The following IDUA variants were observed in gnomAD, a reference collection of about 807,000 sequenced individuals.
IDUA encodes alpha-L-iduronidase, also known as iduronidase alpha-L-.
A neutral mutation model predicts 68.9 loss-of-function variants in IDUA; 65 were observed. The observed-to-expected ratio is 0.94, with a 90% CI of 0.77 to 1.16. The LOEUF is 1.16. Among genes scored for constraint, IDUA ranks in the 50% most tolerant of loss-of-function variants. IDUA has a pLI of 0.00. For missense variants in IDUA, 1,046 were observed against 938.0 expected (o/e 1.12, Z -1.50); for synonymous variants, 529 against 433.6 (o/e 1.22, Z -2.73).
Position 1,002,495 on chromosome 4 carries a change from G to C in IDUA, c.1189+10G>C. 6.6e-7 allele frequency: 1 copy of C among 1,521,814 alleles called. No homozygotes were observed. The allele number at this position is 1,521,814 out of a possible 1,614,324, so 94.3% of individuals were successfully genotyped here. A position where few individuals can be genotyped will look rare whatever the true frequency, so the allele number is the denominator to read the frequency against. Reference sequence around the variant, plus strand: ...CTGCTGGCGCTGCTGGGTGAGCCGGGGCCGCTGGGGTGGGCCGGCCAGGGC... The same window carrying C: ...CTGCTGGCGCTGCTGGGTGAGCCGGCGCCGCTGGGGTGGGCCGGCCAGGGC... On this transcript the variant is annotated intron_variant, in intron 8 of 13. Coordinates refer to ENST00000514224, the MANE Select transcript of IDUA (RefSeq NM_000203.5).
At chr4:989,947 T>C (rs2153017015) in intron 2 of IDUA, 9 of 1,555,570 alleles carry the variant, frequency 5.8e-6, no homozygotes, top group Non-Finnish European at 7.8e-6. Context: ...CTCTGGGACC[T>C]GAGGGGGCAT....
At chr4:1,001,016 T>C (rs1165341560) in intron 4 of IDUA, 27 bp downstream of exon 4, 1 of 1,524,238 alleles carries the variant, frequency 6.6e-7, no homozygotes, top group African/African-American at 1.4e-5. Flanking sequence ...CCTGGGGCCC[T>C]GGCCGGGGCG....
At chr4:997,373 C>T (rs1345986643) in intron 2 of IDUA, among the ~76,000 whole-genome samples, 3 of 149,354 alleles carry the variant, frequency 2.0e-5, no homozygotes, top group African/African-American at 7.4e-5. Context: ...CGGCCCTGCT[C>T]CCCACCCCGC....
At position 1,004,092 on chromosome 4, in the gene IDUA, A is replaced by C. The variant is rs1159689681; in HGVS notation, c.1808A>C (p.Asn603Thr). Reference sequence around the variant, plus strand: ...GTCAGCAGGAAGCCATCGACCTTCAACCTCTTTGTGTTCAGCCCAGGTGCG... The same window carrying C: ...GTCAGCAGGAAGCCATCGACCTTCACCCTCTTTGTGTTCAGCCCAGGTGCG... ...TPVSRKPSTFNLFVFSPDTGA... is the reference protein window; with the variant it reads ...TPVSRKPSTFTLFVFSPDTGA... The change falls in exon 13 of 14, where the codon AAC becomes ACC. Residue 603 changes from asparagine to threonine, a missense_variant. Transcript: ENST00000514224. The surrounding 1 kb of genome is among the most constrained non-coding windows in gnomAD (Gnocchi z 5.0). 1 of 1,612,026 alleles carries C rather than the reference A, an allele frequency of 6.2e-7. No homozygotes were observed. The highest frequency in any genetic ancestry group is 1.3e-5 in the African/African-American group (1 of 74,322).
intron 2 of IDUA, 38 bp from the exon 3 acceptor site, chr4:1,000,574 G>C (rs763483076): frequency 6.6e-7 from 1 of 1,508,632 alleles, no homozygotes; most frequent in East Asian, 2.3e-5. Flanking sequence ...GGAGCTGTGT[G>C]GGCACCCTGC....
intron 7 of IDUA, 52 bp from the exon 8 acceptor site, chr4:1,002,217 C>G (rs752153872): frequency 3.2e-6 from 5 of 1,575,044 alleles, no homozygotes; most frequent in Middle Eastern, 3.3e-4. Flanking sequence ...CGAGACGGGA[C>G]AGGCGAGCGG....
Position 1,002,551 on chromosome 4 carries a change from G to A in IDUA, c.1189+66G>A. 6 of 1,366,892 alleles carry A rather than the reference G, an allele frequency of 4.4e-6. No individual in the cohort carries two copies. The South Asian group carries it at 8.0e-5, about 18-fold the overall frequency. 84.7% of individuals were successfully genotyped at this position (1,366,892 alleles called of 1,614,324 possible). A position where few individuals can be genotyped will look rare whatever the true frequency, so the allele number is the denominator to read the frequency against. ...AGGCTGGGGAGCGGCTCCTGCGAAG[G>A]CCCCGCTGCGGGGAGCGCACTTCCT... On this transcript the variant is annotated intron_variant, in intron 8 of 13. Coordinates refer to ENST00000514224, the MANE Select transcript of IDUA (RefSeq NM_000203.5).
chr4:990,228 C>T lies in IDUA; in HGVS notation c.299+2279C>T, dbSNP rs375610014. On this transcript the variant is annotated intron_variant, in intron 2 of 13. Coordinates refer to ENST00000514224, the MANE Select transcript of IDUA (RefSeq NM_000203.5). ...CCACCATGCCGGGCCCCTGGTGCCG[C>T]GGGATCCGCACGCCCAGCAGGTGTT... is the stretch of plus-strand genomic sequence containing the variant. 2.9e-4 allele frequency: 454 copies of T among 1,572,566 alleles called. No individual in the cohort carries two copies. Among genetic ancestry groups the T allele is most frequent in the Non-Finnish European group, 3.7e-4 (426 of 1,160,144 alleles).
rs1715009524 is a variant in IDUA, at chr4:1,000,562, AT to A, written c.300-49del. 2.1e-6 allele frequency: 3 copies of A among 1,409,124 alleles called. No individual in the cohort carries two copies. The African/African-American group carries it at 4.2e-5, about 20-fold the overall frequency. The allele number at this position is 1,409,124 out of a possible 1,614,324, so 87.3% of individuals were successfully genotyped here. Reference sequence around the variant, plus strand: ...TGTGGCCACGGTTCCAGCCTGGAGCATGGAGCTGTGTGGGCACCCTGCTTCC... The same window carrying A: ...TGTGGCCACGGTTCCAGCCTGGAGCAGGAGCTGTGTGGGCACCCTGCTTCC... On this transcript the variant is annotated intron_variant, in intron 2 of 13. Coordinates refer to ENST00000514224, the MANE Select transcript of IDUA (RefSeq NM_000203.5).
At chr4:1,000,216 T>C (rs1714990089) in intron 2 of IDUA, among the ~76,000 whole-genome samples, 1 of 152,138 alleles carries the variant, frequency 6.6e-6, no homozygotes, top group African/African-American at 2.4e-5. Context: ...TCTTGGGGTG[T>C]GGGAGGGGAA....
At position 1,001,808 on chromosome 4, in the gene IDUA, A is replaced by G. The variant is rs1297784711; in HGVS notation, c.719A>G (p.His240Arg). 21 of 1,604,774 alleles carry G rather than the reference A, an allele frequency of 1.3e-5. No homozygotes were observed. The highest frequency in any genetic ancestry group is 1.5e-5 in the Non-Finnish European group (18 of 1,177,648). ...CCGCTGAGCTGGGGCCTCCTGCGCC[A>G]CTGCCACGACGGTACCAACTTCTTC... The part of the protein sequence containing the change: ...RSPLSWGLLR[H>R]CHDGTNFFTG... Residue 240 changes from histidine (H) to arginine (R), a missense_variant, in exon 6 of 14, where the codon CAC becomes CGC. Physicochemically the swap from His to Arg is conservative, Grantham distance 29. Coordinates refer to ENST00000514224, the MANE Select transcript of IDUA (RefSeq NM_000203.5).
At chr4:994,599 G>A (rs919517098) in intron 2 of IDUA, among the ~76,000 whole-genome samples, 19 of 151,562 alleles carry the variant, frequency 1.3e-4, no homozygotes, top group African/African-American at 4.1e-4. Context: ...CACCACGCCC[G>A]GCTAATTTTT....
chr4:1,003,441 T>A lies in IDUA; in HGVS notation c.1621T>A (p.Cys541Ser). ...GCCGTCGCTTTTGCTGGTGCACGTG[T>A]GTGCGCGCCCCGAGAAGCCGCCCGG... ...RLPSLLLVHV[C>S]ARPEKPPGQV... is the part of the protein sequence containing the mutation. The change falls in exon 11 of 14, where the codon TGT becomes AGT. Residue 541 changes from cysteine to serine, a missense_variant. By Grantham distance (112) the Cys-to-Ser change is moderately radical. Transcript: ENST00000514224. The A allele has an allele frequency of 6.5e-7, 1 of 1,542,704 alleles. No individual in the cohort carries two copies. The highest frequency in any genetic ancestry group is 8.7e-7 in the Non-Finnish European group (1 of 1,150,772).
intron 6 of IDUA, 39 bp downstream of exon 6, chr4:1,001,920 C>A (rs780391591): frequency 1.3e-6 from 2 of 1,570,018 alleles, no homozygotes; most frequent in South Asian, 2.3e-5. Flanking sequence ...TGTTCTGCGC[C>A]CTCAGCCGCT....
At chr4:987,415 C>T (rs1400643510) in intron 1 of IDUA, among the ~76,000 whole-genome samples, 173 bp downstream of exon 1, 1 of 152,164 alleles carries the variant, frequency 6.6e-6, no homozygotes, top group African/African-American at 2.4e-5. Flanking sequence ...GAGTGGGCGC[C>T]GGGGCGTGAG....
chr4:988,588 C>T, intron 2 of IDUA: 2 of 1,350,800 alleles, frequency 1.5e-6, no homozygotes, highest in South Asian at 3.9e-5. Flanking sequence ...CATTGGGGCC[C>T]AGCCAGCACT....
At chr4:990,295 A>G in intron 2 of IDUA, 1 of 1,604,216 alleles carries the variant, frequency 6.2e-7, no homozygotes, top group Non-Finnish European at 8.5e-7. Flanking sequence ...CCCCATGGCA[A>G]AGCCATCGAG....
intron 2 of IDUA, among the ~76,000 whole-genome samples, chr4:993,984 C>T (rs936004763): frequency 2.0e-5 from 3 of 152,258 alleles, no homozygotes; most frequent in East Asian, 1.9e-4. Context: ...GACCCAGCAC[C>T]GACCCACAGC....
Position 1,001,711 on chromosome 4 carries a change from G to A in IDUA, c.622G>A (p.Gly208Ser), listed in dbSNP as rs757171895. The A allele has an allele frequency of 6.3e-7, 1 of 1,599,614 alleles. No homozygotes were observed. The highest frequency in any genetic ancestry group is 1.1e-5 in the South Asian group (1 of 90,826). The change falls in exon 6 of 14, where the codon GGT becomes AGT. Residue 208 changes from glycine (G) to serine (S), a missense_variant. Gly to Ser is a moderately conservative substitution (Grantham distance 56). Coordinates refer to ENST00000514224, the MANE Select transcript of IDUA (RefSeq NM_000203.5). Reference protein sequence around the residue: ...FLNYYDACSEGLRAASPALRL... With the variant: ...FLNYYDACSESLRAASPALRL... ...GAACTACTACGATGCCTGCTCGGAG[G>A]GTCTGCGCGCCGCCAGCCCCGCCCT...
Sources: gnomAD v4.1 joint callset for allele counts (sites outside exome capture counted in the v4.1 genomes callset) on GRCh38, gnomAD v4.1.1 for gene constraint, Gnocchi (gnomAD v3.1) non-coding constraint, MANE v1.5 for transcripts, NCBI Gene and HGNC (gene_info 2026-07-23, HGNC 2026-07-21) for gene names.